The following FOXRED1 variants were observed in gnomAD, a reference collection of about 807,000 sequenced individuals.
FOXRED1 encodes FAD dependent oxidoreductase domain containing 1.
A neutral mutation model predicts 57.8 loss-of-function variants in FOXRED1; 52 were observed. That is an observed-to-expected ratio of 0.90 (90% CI 0.72 to 1.13). FOXRED1 has a LOEUF of 1.13. Ranked by LOEUF, FOXRED1 falls within the 50% of genes most tolerant of loss-of-function variation. FOXRED1 has a pLI of 0.00. For missense variants in FOXRED1, 589 were observed against 625.2 expected (o/e 0.94, Z 0.62); for synonymous variants, 271 against 248.3 (o/e 1.09, Z -0.86).
rs756374869 is a variant in FOXRED1, at chr11:126,275,459, G to C, written c.733+31G>C. ...TCTGAGCTTGTTTCCTCTAGCAACCGGGGCATAGGCCTAGACTAGGTCTTA... is the reference window on the plus strand; with the variant it reads ...TCTGAGCTTGTTTCCTCTAGCAACCCGGGCATAGGCCTAGACTAGGTCTTA... On this transcript the variant is annotated intron_variant, in intron 6 of 10. Coordinates refer to ENST00000263578, the MANE Select transcript of FOXRED1 (RefSeq NM_017547.4). This position sits in a 1 kb window ranked among gnomAD's most constrained non-coding sequence, Gnocchi z 5.9. The C allele has an allele frequency of 7.0e-7, 1 of 1,427,278 alleles. No homozygotes were observed. Among genetic ancestry groups the C allele is most frequent in the South Asian group, 1.1e-5 (1 of 87,344 alleles). 88.4% of individuals were successfully genotyped at this position (1,427,278 alleles called of 1,614,324 possible).
Position 126,271,735 on chromosome 11 carries a change from G to C in FOXRED1, c.306+78G>C. 8.5e-7 allele frequency: 1 copy of C among 1,182,556 alleles called. No individual in the cohort carries two copies. The highest frequency in any genetic ancestry group is 1.2e-5 in the South Asian group (1 of 81,028). 73.3% of individuals were successfully genotyped at this position (1,182,556 alleles called of 1,614,324 possible). ...TTTATTAAGGACTCTAGCGACAAGG[G>C]AAGGAGAGGAGGGGAAGACCTCAAT... is the stretch of plus-strand genomic sequence containing the variant. On this transcript the variant is annotated intron_variant, in intron 2 of 10. Transcript: ENST00000263578. The surrounding 1 kb of genome is among the most constrained non-coding windows in gnomAD (Gnocchi z 5.3).
chr11:126,276,253 G>GAGAA, intron 8 of FOXRED1, 34 bp downstream of exon 8: 1 of 1,565,786 alleles, frequency 6.4e-7, no homozygotes, highest in South Asian at 1.2e-5. Context: ...GGAGGTTGGT[G>GAGAA]AGAAAGAAAG....
rs1208237703 is a variant in FOXRED1 at position 126,275,479 on chromosome 11, G to A, written c.733+51G>A. 2 of 1,274,958 alleles carry A rather than the reference G, an allele frequency of 1.6e-6. No individual in the cohort carries two copies. Among genetic ancestry groups the A allele is most frequent in the African/African-American group, 1.5e-5 (1 of 68,600 alleles). 79.0% of individuals were successfully genotyped at this position (1,274,958 alleles called of 1,614,324 possible). The stretch of plus-strand genomic sequence containing the variant: ...CAACCGGGGCATAGGCCTAGACTAG[G>A]TCTTATCTTCTCACTCACAAGCTAA... On this transcript the variant is annotated intron_variant, in intron 6 of 10. Coordinates refer to ENST00000263578, the MANE Select transcript of FOXRED1 (RefSeq NM_017547.4). This position sits in a 1 kb window ranked among gnomAD's most constrained non-coding sequence, Gnocchi z 5.9.
In FOXRED1 at chr11:126,277,451, C is replaced by T; in HGVS notation, c.1223C>T (p.Ala408Val). The T allele has an allele frequency of 6.2e-7, 1 of 1,613,128 alleles. No homozygotes were observed. The highest frequency in any genetic ancestry group is 8.5e-7 in the Non-Finnish European group (1 of 1,179,972). The part of the protein sequence containing the change: ...FETLKVQSAW[A>V]GYYDYNTFDQ... Reference sequence around the variant, plus strand: ...CACCCGCAGGTTCAGAGCGCCTGGGCCGGCTATTACGACTACAACACCTTT... The same window carrying T: ...CACCCGCAGGTTCAGAGCGCCTGGGTCGGCTATTACGACTACAACACCTTT... The change falls in exon 11 of 11, where the codon GCC becomes GTC. Residue 408 changes from alanine to valine, a missense_variant. Physicochemically the swap from Ala to Val is moderately conservative, Grantham distance 64. Coordinates refer to ENST00000263578, the MANE Select transcript of FOXRED1 (RefSeq NM_017547.4). This position sits in a 1 kb window ranked among gnomAD's most constrained non-coding sequence, Gnocchi z 6.8.
At position 126,271,352 on chromosome 11, in the gene FOXRED1, T is replaced by C; in HGVS notation, c.86-85T>C. On this transcript the variant is annotated intron_variant, in intron 1 of 10. Coordinates refer to ENST00000263578, the MANE Select transcript of FOXRED1 (RefSeq NM_017547.4). The surrounding 1 kb of genome is among the most constrained non-coding windows in gnomAD (Gnocchi z 5.3). ...CTGCCAACTCATGTGTCTGTTTAGCTCACCTTTTCCTGTGCCCATCCTCCA... is the reference window on the plus strand; with the variant it reads ...CTGCCAACTCATGTGTCTGTTTAGCCCACCTTTTCCTGTGCCCATCCTCCA... 2 of 979,378 alleles carry C rather than the reference T, an allele frequency of 2.0e-6. No individual in the cohort carries two copies. Among genetic ancestry groups the C allele is most frequent in the Non-Finnish European group, 3.3e-6 (2 of 605,206 alleles). 60.7% of individuals were successfully genotyped at this position (979,378 alleles called of 1,614,324 possible).
In FOXRED1 at chr11:126,275,216, A is replaced by G; in HGVS notation, c.632-111A>G. On this transcript the variant is annotated intron_variant, in intron 5 of 10. Coordinates refer to ENST00000263578, the MANE Select transcript of FOXRED1 (RefSeq NM_017547.4). The surrounding 1 kb of genome is among the most constrained non-coding windows in gnomAD (Gnocchi z 5.9). ...TGTCTCTGTGGTTCAGTTGGTTAAGATGACCTTCCCCGGCTTACAAGCCCT... is the reference window on the plus strand; with the variant it reads ...TGTCTCTGTGGTTCAGTTGGTTAAGGTGACCTTCCCCGGCTTACAAGCCCT... 1.1e-6 allele frequency: 1 copy of G among 916,384 alleles called. No individual in the cohort carries two copies. Among genetic ancestry groups the G allele is most frequent in the Non-Finnish European group, 1.8e-6 (1 of 557,570 alleles). 56.8% of individuals were successfully genotyped at this position (916,384 alleles called of 1,614,324 possible).
Position 126,277,158 on chromosome 11 carries a change from G to A in FOXRED1, c.1189G>A (p.Ala397Thr). The change falls in exon 10 of 11, where the codon GCT becomes ACT. Residue 397 changes from alanine (A) to threonine (T), a missense_variant. Ala to Thr is a moderately conservative substitution (Grantham distance 58, BLOSUM62 0). Transcript: ENST00000263578. The surrounding 1 kb of genome is among the most constrained non-coding windows in gnomAD (Gnocchi z 6.8). Reference protein sequence around the residue: ...VWPHLALRVPAFETLKVQSAW... With the variant: ...VWPHLALRVPTFETLKVQSAW... ...GCCCCATTTGGCCCTGAGGGTCCCA[G>A]CTTTTGAGACTCTGAAGGTAACTGG... 1 of 1,607,668 alleles carries A rather than the reference G, an allele frequency of 6.2e-7. No individual in the cohort carries two copies. Among genetic ancestry groups the A allele is most frequent in the Non-Finnish European group, 8.5e-7 (1 of 1,174,408 alleles).
chr11:126,274,734 A>T lies in FOXRED1; in HGVS notation c.537-193A>T. The T allele has an allele frequency of 1.6e-6, 1 of 638,818 alleles. No homozygotes were observed. The highest frequency in any genetic ancestry group is 2.9e-5 in the East Asian group (1 of 34,874). The allele number at this position is 638,818 out of a possible 1,614,324, so 39.6% of individuals were successfully genotyped here. A position where few individuals can be genotyped will look rare whatever the true frequency, so the allele number is the denominator to read the frequency against. On this transcript the variant is annotated intron_variant, in intron 4 of 10. Transcript: ENST00000263578. The surrounding 1 kb of genome is among the most constrained non-coding windows in gnomAD (Gnocchi z 4.8). ...GACAAGGGAGTAGGGAAGGAAAGGCAGTCAAGGCTGAAGAGCCTGACTAGG... is the reference window on the plus strand; with the variant it reads ...GACAAGGGAGTAGGGAAGGAAAGGCTGTCAAGGCTGAAGAGCCTGACTAGG...
rs1591549803 is a variant in FOXRED1, at chr11:126,273,477, T to C, written c.536+23T>C. On this transcript the variant is annotated intron_variant, in intron 4 of 10. Coordinates refer to ENST00000263578, the MANE Select transcript of FOXRED1 (RefSeq NM_017547.4). The surrounding 1 kb of genome is among the most constrained non-coding windows in gnomAD (Gnocchi z 5.9). ...GAGGTGGGTGCCTGGCACAGCCTCTTAGCTGCTTGGCAGCCAAAGGTGTTG... is the reference window on the plus strand; with the variant it reads ...GAGGTGGGTGCCTGGCACAGCCTCTCAGCTGCTTGGCAGCCAAAGGTGTTG... 2 of 1,509,884 alleles carry C rather than the reference T, an allele frequency of 1.3e-6. No individual in the cohort carries two copies. The highest frequency in any genetic ancestry group is 1.7e-4 in the Middle Eastern group (1 of 5,846). 93.5% of individuals were successfully genotyped at this position (1,509,884 alleles called of 1,614,324 possible).
In FOXRED1 at chr11:126,277,753, T is replaced by C. The variant is rs1234402379; in HGVS notation, c.*64T>C. ...TGGCTGTGTTCACAGCCTTGTTTGC[T>C]GCTTCCATCTTCCCCAGTACTGTGC... On this transcript the variant is annotated 3_prime_UTR_variant, in exon 11 of 11. Coordinates refer to ENST00000263578, the MANE Select transcript of FOXRED1 (RefSeq NM_017547.4). This position sits in a 1 kb window ranked among gnomAD's most constrained non-coding sequence, Gnocchi z 6.8. The C allele has an allele frequency of 6.4e-7, 1 of 1,556,256 alleles. No homozygotes were observed. Among genetic ancestry groups the C allele is most frequent in the African/African-American group, 1.4e-5 (1 of 74,000 alleles).
At position 126,273,274 on chromosome 11, in the gene FOXRED1, C is replaced by T; in HGVS notation, c.418-62C>T. 7.7e-7 allele frequency: 1 copy of T among 1,298,992 alleles called. No individual in the cohort carries two copies. 80.5% of individuals were successfully genotyped at this position (1,298,992 alleles called of 1,614,324 possible). On this transcript the variant is annotated intron_variant, in intron 3 of 10. Transcript: ENST00000263578. This position sits in a 1 kb window ranked among gnomAD's most constrained non-coding sequence, Gnocchi z 5.9. ...CCTGGGGAGCTGTGGGGGAAGAAGG[C>T]AGGAAAACTCTTTCTGGCATCCTTA...
intron 1 of FOXRED1, 190 bp downstream of exon 1, chr11:126,269,481 A>G: frequency 9.9e-7 from 1 of 1,007,022 alleles, no homozygotes; most frequent in Non-Finnish European, 1.5e-6. Context: ...GGCCCTTTTC[A>G]GGTGGCAGGT....
chr11:126,273,121 C>T lies in FOXRED1; in HGVS notation c.417+42C>T, dbSNP rs774342140. The T allele has an allele frequency of 6.6e-6, 8 of 1,205,398 alleles. No homozygotes were observed. The highest frequency in any genetic ancestry group is 1.9e-4 in the Middle Eastern group (1 of 5,272). The allele number at this position is 1,205,398 out of a possible 1,614,324, so 74.7% of individuals were successfully genotyped here. A position where few individuals can be genotyped will look rare whatever the true frequency, so the allele number is the denominator to read the frequency against. ...CCGGGATGTTGGGGTGGTTACCCCTCCTTTAGCCCAGAGTGGGGAGCAGCC... is the reference window on the plus strand; with the variant it reads ...CCGGGATGTTGGGGTGGTTACCCCTTCTTTAGCCCAGAGTGGGGAGCAGCC... On this transcript the variant is annotated intron_variant, in intron 3 of 10. Coordinates refer to ENST00000263578, the MANE Select transcript of FOXRED1 (RefSeq NM_017547.4). The surrounding 1 kb of genome is among the most constrained non-coding windows in gnomAD (Gnocchi z 5.9).
Position 126,271,960 on chromosome 11 carries a change from C to CT in FOXRED1, c.306+304dup. The CT allele has an allele frequency of 9.0e-6, 3 of 332,640 alleles. No individual in the cohort carries two copies. Among genetic ancestry groups the CT allele is most frequent in the South Asian group, 2.7e-5 (1 of 36,900 alleles). 20.6% of individuals were successfully genotyped at this position (332,640 alleles called of 1,614,324 possible). A position where few individuals can be genotyped will look rare whatever the true frequency, so the allele number is the denominator to read the frequency against. On this transcript the variant is annotated intron_variant, in intron 2 of 10. Coordinates refer to ENST00000263578, the MANE Select transcript of FOXRED1 (RefSeq NM_017547.4). This position sits in a 1 kb window ranked among gnomAD's most constrained non-coding sequence, Gnocchi z 5.3. ...AGCTATAATTAAGTGTCTCAATTTT[C>CT]TCTTTTTTTTTTTTTTTTTGAGACA... is the stretch of plus-strand genomic sequence containing the variant.
At chr11:126,270,245 G>T (rs1284000147) in intron 1 of FOXRED1, among the ~76,000 whole-genome samples, 1 of 152,206 alleles carries the variant, frequency 6.6e-6, no homozygotes, top group Non-Finnish European at 1.5e-5. Flanking sequence ...AATGTAGTGT[G>T]GACAGGTAAG....
At chr11:126,270,377 C>T (rs1031360047) in intron 1 of FOXRED1, among the ~76,000 whole-genome samples, 4 of 152,162 alleles carry the variant, frequency 2.6e-5, no homozygotes, top group African/African-American at 9.7e-5. Flanking sequence ...CCGGGTGTTG[C>T]GATAGGCTGG....
In FOXRED1 at chr11:126,274,731, G is replaced by A; in HGVS notation, c.537-196G>A. 1 of 633,964 alleles carries A rather than the reference G, an allele frequency of 1.6e-6. No individual in the cohort carries two copies. The highest frequency in any genetic ancestry group is 2.2e-5 in the Admixed American group (1 of 44,524). The allele number at this position is 633,964 out of a possible 1,614,324, so 39.3% of individuals were successfully genotyped here. A position where few individuals can be genotyped will look rare whatever the true frequency, so the allele number is the denominator to read the frequency against. On this transcript the variant is annotated intron_variant, in intron 4 of 10. Coordinates refer to ENST00000263578, the MANE Select transcript of FOXRED1 (RefSeq NM_017547.4). The surrounding 1 kb of genome is among the most constrained non-coding windows in gnomAD (Gnocchi z 4.8). ...GGAGACAAGGGAGTAGGGAAGGAAA[G>A]GCAGTCAAGGCTGAAGAGCCTGACT...
At position 126,271,863 on chromosome 11, in the gene FOXRED1, C is replaced by T. The variant is rs1045322288; in HGVS notation, c.306+206C>T. ...AGGAAGCTTGGCAATAAGGTTTGTT[C>T]TTTTGAAAGCAGATATCACCATATT... On this transcript the variant is annotated intron_variant, in intron 2 of 10. Transcript: ENST00000263578. The surrounding 1 kb of genome is among the most constrained non-coding windows in gnomAD (Gnocchi z 5.3). The T allele has an allele frequency of 5.1e-6, 3 of 586,704 alleles. No homozygotes were observed. Among genetic ancestry groups the T allele is most frequent in the Admixed American group, 5.2e-5 (2 of 38,382 alleles). The allele number at this position is 586,704 out of a possible 1,614,324, so 36.3% of individuals were successfully genotyped here.
Position 126,269,268 on chromosome 11 carries a change from C to G in FOXRED1, c.62C>G (p.Thr21Arg). The G allele has an allele frequency of 1.2e-6, 2 of 1,614,176 alleles. No individual in the cohort carries two copies. Among genetic ancestry groups the G allele is most frequent in the Non-Finnish European group, 1.7e-6 (2 of 1,180,018 alleles). ...GRGLLTRRPG[T>R]RRGGFSLDWD... ...GGCCTCTTGACCCGGAGGCCAGGCA[C>G]GCGCAGAGGAGGCTTTTCTCTGGGT... The change falls in exon 1 of 11, where the codon ACG (threonine) becomes AGG (arginine). Residue 21 changes from threonine to arginine, a missense_variant. By Grantham distance (71) the Thr-to-Arg change is moderately conservative. Coordinates refer to ENST00000263578, the MANE Select transcript of FOXRED1 (RefSeq NM_017547.4).
Sources: gnomAD v4.1 joint callset for allele counts (sites outside exome capture counted in the v4.1 genomes callset) on GRCh38, gnomAD v4.1.1 for gene constraint, Gnocchi (gnomAD v3.1) non-coding constraint, MANE v1.5 for transcripts, NCBI Gene and HGNC (gene_info 2026-07-23, HGNC 2026-07-21) for gene names.